DAB2IP: variants seen among roughly 807,000 people sequenced by gnomAD.
The protein encoded by DAB2IP is DAB2 interacting protein, also known as disabled homolog 2-interacting protein.
Under a neutral mutation model 107.2 loss-of-function variants are expected in DAB2IP, and 28 were observed. That is an observed-to-expected ratio of 0.26 (90% CI 0.19 to 0.36). The LOEUF (loss-of-function observed/expected upper bound fraction) is 0.36, where lower values mean the gene tolerates loss of function less well. Among genes scored for constraint, DAB2IP ranks in the 10% least tolerant of loss-of-function variants. The pLI, the probability that DAB2IP is intolerant of heterozygous loss-of-function variation, is 1.00. For synonymous variants in DAB2IP, 755 were observed against 706.4 expected (o/e 1.07, Z -1.09); for missense variants, 1,400 against 1,644.7 (o/e 0.85, Z 2.57).
At chr9:121,723,221 G>T (rs79873739) in intron 3 of DAB2IP, among the ~76,000 whole-genome samples, 1,918 of 152,340 alleles carry the variant, frequency 0.013, 35 homozygotes, top group African/African-American at 0.042. Flanking sequence ...GACTCAGGCC[G>T]TGGGCTGCCT....
chr9:121,689,380 G>A (rs1291692990), intron 2 of DAB2IP, among the ~76,000 whole-genome samples: 4 of 151,748 alleles, frequency 2.6e-5, no homozygotes, highest in East Asian at 3.9e-4. Context: ...ACCTTGGCCC[G>A]CAGATGGTAA....
intron 3 of DAB2IP, among the ~76,000 whole-genome samples, chr9:121,720,939 G>A (rs1830892164): frequency 6.6e-6 from 1 of 152,096 alleles, no homozygotes; most frequent in Non-Finnish European, 1.5e-5. Context: ...TCATTTACTC[G>A]AAAGAAAAAG....
intron 1 of DAB2IP, among the ~76,000 whole-genome samples, chr9:121,605,117 T>C (rs2118961717): frequency 6.6e-6 from 1 of 152,250 alleles, no homozygotes; most frequent in African/African-American, 2.4e-5. Context: ...CCTTCCAGGC[T>C]CAAATGATCC....
In DAB2IP at chr9:121,651,966, G is replaced by C; in HGVS notation, c.124+67G>C. The C allele has an allele frequency of 1.7e-6, 2 of 1,203,238 alleles. No individual in the cohort carries two copies. The highest frequency in any genetic ancestry group is 2.1e-6 in the Non-Finnish European group (2 of 955,614). The allele number at this position is 1,203,238 out of a possible 1,614,324, so 74.5% of individuals were successfully genotyped here. A position where few individuals can be genotyped will look rare whatever the true frequency, so the allele number is the denominator to read the frequency against. ...GCCACTAAGCCACCTGATGCCCTGG[G>C]ATGCTAGGGACCGGGATCCTCCTTC... On this transcript the variant is annotated intron_variant, in intron 1 of 15. Coordinates refer to ENST00000408936, the Ensembl canonical transcript of DAB2IP. This position sits in a 1 kb window ranked among gnomAD's most constrained non-coding sequence, Gnocchi z 5.1.
At chr9:121,775,137 C>T (rs1253596921) in intron 13 of DAB2IP, among the ~76,000 whole-genome samples, 2 of 152,212 alleles carry the variant, frequency 1.3e-5, no homozygotes, top group Non-Finnish European at 2.9e-5. Context: ...TCTCCTACTG[C>T]CAGCTGCAGT....
intron 3 of DAB2IP, among the ~76,000 whole-genome samples, chr9:121,715,326 G>GTTTTCT (rs1331935055): frequency 6.6e-5 from 10 of 151,206 alleles, no homozygotes; most frequent in Admixed American, 4.6e-4. Flanking sequence ...GACTTGGGTA[G>GTTTTCT]TTTTCTTTTT....
chr9:121,645,981 A>T (rs1018468139), intron 1 of DAB2IP, among the ~76,000 whole-genome samples: 1 of 152,076 alleles, frequency 6.6e-6, no homozygotes, highest in Non-Finnish European at 1.5e-5. Context: ...GAGGTATCAC[A>T]CGGTGACCCC....
chr9:121,576,200 C>T (rs546125906), intron 1 of DAB2IP: 1 of 152,262 alleles, frequency 6.6e-6, no homozygotes, highest in East Asian at 1.9e-4. Context: ...TCACAGGGCC[C>T]ACCGCTGCAG....
intron 1 of DAB2IP, among the ~76,000 whole-genome samples, chr9:121,593,118 C>T (rs1187254348): frequency 6.6e-6 from 1 of 152,214 alleles, no homozygotes; most frequent in Non-Finnish European, 1.5e-5. Flanking sequence ...AGGGTCTTGT[C>T]TGCTGCCCAG....
chr9:121,572,688 C>T (rs914748228), intron 1 of DAB2IP, among the ~76,000 whole-genome samples: 6 of 152,152 alleles, frequency 3.9e-5, no homozygotes, highest in Admixed American at 3.9e-4. Context: ...CCCTGCCCTG[C>T]CTGTTTTTCA....
At chr9:121,737,265 GTCT>G in intron 3 of DAB2IP, 1 of 985,314 alleles carries the variant, frequency 1.0e-6, no homozygotes, top group East Asian at 1.1e-4. Flanking sequence ...AGTGTTTCTC[GTCT>G]TCTTGGACCT....
chr9:121,703,095 G>A (rs1829868022), intron 3 of DAB2IP, among the ~76,000 whole-genome samples: 1 of 152,162 alleles, frequency 6.6e-6, no homozygotes, highest in Admixed American at 6.5e-5. Context: ...TACTAATGGT[G>A]GAATTCCAAG....
chr9:121,597,954 T>C (rs1830563328), intron 1 of DAB2IP, among the ~76,000 whole-genome samples: 1 of 152,172 alleles, frequency 6.6e-6, no homozygotes, highest in African/African-American at 2.4e-5. Flanking sequence ...TGAGACCCCA[T>C]TTCTGGGAGG....
chr9:121,639,388 C>G (rs1392525497), intron 1 of DAB2IP, among the ~76,000 whole-genome samples: 2 of 152,206 alleles, frequency 1.3e-5, no homozygotes. Context: ...TGTATTGCCT[C>G]AGATGGGACC....
chr9:121,722,118 G>A (rs1830971989), intron 3 of DAB2IP, among the ~76,000 whole-genome samples: 1 of 152,192 alleles, frequency 6.6e-6, no homozygotes, highest in African/African-American at 2.4e-5. Context: ...AAACCTCCAG[G>A]ACACACGATC....
intron 3 of DAB2IP, among the ~76,000 whole-genome samples, chr9:121,715,616 G>A (rs896973982): frequency 2.0e-5 from 3 of 152,084 alleles, no homozygotes; most frequent in Non-Finnish European, 2.9e-5. Flanking sequence ...GCCTCCCAAA[G>A]TGCTGGGATT....
chr9:121,743,884 C>T (rs1404548732), intron 3 of DAB2IP, among the ~76,000 whole-genome samples: 10 of 142,940 alleles, frequency 7.0e-5, no homozygotes, highest in Non-Finnish European at 1.5e-4. Context: ...TGCCCCTCTA[C>T]GCAGACATCC....
chr9:121,782,722 G>A lies in DAB2IP; in HGVS notation c.*224G>A, dbSNP rs2119047971. On this transcript the variant is annotated 3_prime_UTR_variant, in exon 16 of 16. Coordinates refer to ENST00000408936, the Ensembl canonical transcript of DAB2IP. The surrounding 1 kb of genome is among the most constrained non-coding windows in gnomAD (Gnocchi z 6.1). ...AGCCGCTCCCTGTGGGGTGCGGGCA[G>A]AAGAGACTGCACGCTGGGGAGTGGG... 1 of 1,404,776 alleles carries A rather than the reference G, an allele frequency of 7.1e-7. No individual in the cohort carries two copies. The highest frequency in any genetic ancestry group is 2.6e-4 in the Middle Eastern group (1 of 3,778). The allele number at this position is 1,404,776 out of a possible 1,614,324, so 87.0% of individuals were successfully genotyped here. A position where few individuals can be genotyped will look rare whatever the true frequency, so the allele number is the denominator to read the frequency against.
chr9:121,640,330 C>T (rs1042904596), intron 1 of DAB2IP, among the ~76,000 whole-genome samples: 93 of 151,720 alleles, frequency 6.1e-4, no homozygotes, highest in Middle Eastern at 3.4e-3. Context: ...GGTGGGAAGA[C>T]GGGCCTGTGT....
Sources: allele counts gnomAD v4.1 joint callset (sites outside exome capture counted in the v4.1 genomes callset), GRCh38; gene constraint gnomAD v4.1.1; non-coding constraint Gnocchi (gnomAD v3.1); transcripts MANE v1.5; gene names NCBI Gene and HGNC (gene_info 2026-07-23, HGNC 2026-07-21).